The following INPPL1 variants were observed in gnomAD, a reference collection of about 807,000 sequenced individuals.
INPPL1 encodes the protein phosphatidylinositol 3,4,5-trisphosphate 5-phosphatase 2.
INPPL1 carries 91 observed loss-of-function variants against 139.3 expected under a neutral mutation model. That is an observed-to-expected ratio of 0.65 (90% confidence interval 0.55 to 0.78). The LOEUF (loss-of-function observed/expected upper bound fraction) is 0.78. INPPL1 is among the 30% of genes least tolerant of loss of function. The probability of loss-of-function intolerance (pLI) is 0.00; values close to 1 mark genes in which losing one functional copy is unlikely to be tolerated. For synonymous variants in INPPL1, 719 were observed against 686.6 expected (o/e 1.05, Z -0.74); for missense variants, 1,411 against 1,665.6 (o/e 0.85, Z 2.66).
At chr11:72,233,827 T>C in intron 19 of INPPL1, 83 bp downstream of exon 19, 2 of 1,086,182 alleles carry the variant, frequency 1.8e-6, no homozygotes, top group Non-Finnish European at 1.4e-6. Context: ...TAGGTTTGAC[T>C]ATGTAAGTGT....
rs1419039524 is a variant in INPPL1, at chr11:72,229,252, A to G, written c.659+22A>G. ...ACAGGTATCTGGGACATCCAGCCCC[A>G]TGTATTACACCCTTACCTCTGACCT... On this transcript the variant is annotated intron_variant, in intron 5 of 27. Transcript: ENST00000298229. 4 of 1,592,204 alleles carry G rather than the reference A, an allele frequency of 2.5e-6. No homozygotes were observed. The African/African-American group carries it at 5.4e-5, about 21-fold the overall frequency.
At chr11:72,226,292 T>C (rs1591268216) in intron 1 of INPPL1, among the ~76,000 whole-genome samples, 1 of 151,908 alleles carries the variant, frequency 6.6e-6, no homozygotes, top group East Asian at 1.9e-4. Flanking sequence ...GTGATTCTTC[T>C]GCCTCTGCCT....
In INPPL1 at chr11:72,238,713, T is replaced by G; in HGVS notation, c.*360T>G. On this transcript the variant is annotated 3_prime_UTR_variant, in exon 28 of 28. Transcript: ENST00000298229. ...CCCACTTTCACCAGTTTCTGCGGCC[T>G]TCCACCGGGCCTGAACCACAGCGGA... 1 of 168,094 alleles carries G rather than the reference T, an allele frequency of 5.9e-6. No individual in the cohort carries two copies. Among genetic ancestry groups the G allele is most frequent in the Admixed American group, 6.4e-5 (1 of 15,692 alleles). 10.4% of individuals were successfully genotyped at this position (168,094 alleles called of 1,614,324 possible). A position where few individuals can be genotyped will look rare whatever the true frequency, so the allele number is the denominator to read the frequency against.
At position 72,234,614 on chromosome 11, in the gene INPPL1, C is replaced by T. The variant is rs148568665; in HGVS notation, c.2414C>T (p.Thr805Met). The T allele has an allele frequency of 1.8e-4, 286 of 1,611,218 alleles. 1 individual carries two copies. Among genetic ancestry groups the T allele is most frequent in the Non-Finnish European group, 2.2e-4 (263 of 1,177,710 alleles). The change falls in exon 21 of 28, where the codon ACG becomes ATG. Residue 805 changes from threonine to methionine, a missense_variant and splice_region_variant. By Grantham distance (81) the Thr-to-Met change is moderately conservative. Transcript: ENST00000298229. This position sits in a 1 kb window ranked among gnomAD's most constrained non-coding sequence, Gnocchi z 4.2. Reference sequence around the variant, plus strand: ...CAGTGGTCTTCACGCCAGCTGCCCACGGTGAGGCTGTGGGCAGGGCCCCTG... The same window carrying T: ...CAGTGGTCTTCACGCCAGCTGCCCATGGTGAGGCTGTGGGCAGGGCCCCTG... ...KVQWSSRQLP[T>M]LKPILADIEY...
Position 72,238,991 on chromosome 11 carries a change from T to C in INPPL1, c.*638T>C, listed in dbSNP as rs1590725200. 1 of 152,098 alleles carries C rather than the reference T, an allele frequency of 6.6e-6. No individual in the cohort carries two copies. The highest frequency in any genetic ancestry group is 2.4e-5 in the African/African-American group (1 of 41,228). The allele number at this position is 152,098 out of a possible 1,614,324, so 9.4% of individuals were successfully genotyped here. On this transcript the variant is annotated 3_prime_UTR_variant, in exon 28 of 28. Coordinates refer to ENST00000298229, the MANE Select transcript of INPPL1 (RefSeq NM_001567.4). ...GCTCTGGGGATGCACGGCGGCAGGG[T>C]GGGGGAGGGAGGTTCCTCGCAGGTC...
rs1948944307 is a variant in INPPL1 at position 72,235,015 on chromosome 11, G to T, written c.2416-101G>T. 5.5e-6 allele frequency: 5 copies of T among 914,408 alleles called. No individual in the cohort carries two copies. The Admixed American group carries it at 6.3e-5, about 12-fold the overall frequency. 56.6% of individuals were successfully genotyped at this position (914,408 alleles called of 1,614,324 possible). On this transcript the variant is annotated intron_variant, in intron 21 of 27. Coordinates refer to ENST00000298229, the MANE Select transcript of INPPL1 (RefSeq NM_001567.4). The surrounding 1 kb of genome is among the most constrained non-coding windows in gnomAD (Gnocchi z 4.9). ...GAGTTGAGTGTGAGTGAGCACAGATGACCTGAGGGTGGGGATTGAGTGGTG... is the reference window on the plus strand; with the variant it reads ...GAGTTGAGTGTGAGTGAGCACAGATTACCTGAGGGTGGGGATTGAGTGGTG...
Position 72,237,589 on chromosome 11 carries a change from T to C in INPPL1, c.3345T>C (p.Ser1115=). The part of the protein sequence containing the change: ...PASTFLGEVA[S]GDDRSCSVLQ... ...GCACTTTCCTGGGGGAAGTGGCCAG[T>C]GGGGATGACCGGTCCTGCTCGGTGC... Residue 1115 remains serine (S), a synonymous_variant, in exon 26 of 28, where the codon AGT becomes AGC. Coordinates refer to ENST00000298229, the MANE Select transcript of INPPL1 (RefSeq NM_001567.4). The C allele has an allele frequency of 6.3e-7, 1 of 1,599,214 alleles. No individual in the cohort carries two copies. The highest frequency in any genetic ancestry group is 2.2e-5 in the East Asian group (1 of 44,500).
chr11:72,233,379 G>A, intron 17 of INPPL1, 62 bp from the exon 18 acceptor site: 1 of 1,416,258 alleles, frequency 7.1e-7, no homozygotes. Flanking sequence ...CTCTGGAGTG[G>A]GGTCCATGCC....
rs1198198435 is a variant in INPPL1, at chr11:72,234,825, G to A, written c.2415+210G>A. Among the ~76,000 whole-genome samples the A allele has an allele frequency of 6.6e-6, 1 of 151,938 alleles. No homozygotes were observed. Among genetic ancestry groups the A allele is most frequent in the East Asian group, 1.9e-4 (1 of 5,182 alleles). ...CTTTATTTTGGGAGTGTGGAACCTT[G>A]TTGCAGTTTGTTCATTCATTCAGGA... On this transcript the variant is annotated intron_variant, in intron 21 of 27. Coordinates refer to ENST00000298229, the MANE Select transcript of INPPL1 (RefSeq NM_001567.4). This position sits in a 1 kb window ranked among gnomAD's most constrained non-coding sequence, Gnocchi z 4.2.
In INPPL1 at chr11:72,237,631, G is replaced by A. The variant is rs745541575; in HGVS notation, c.3387G>A (p.Thr1129=). The A allele has an allele frequency of 1.1e-5, 17 of 1,607,874 alleles. No homozygotes were observed. In the African/African-American group the frequency reaches 1.5e-4, roughly 14 times the overall value. Residue 1129 remains threonine, a synonymous_variant, in exon 26 of 28, where the codon ACG becomes ACA. Coordinates refer to ENST00000298229, the MANE Select transcript of INPPL1 (RefSeq NM_001567.4). The part of the protein sequence containing the change: ...RSCSVLQMAK[T]LSEVDYAPAG... Reference sequence around the variant, plus strand: ...GCTCGGTGCTGCAGATGGCCAAGACGCTGAGCGAGGTGGACTATGCCCCTG... The same window carrying A: ...GCTCGGTGCTGCAGATGGCCAAGACACTGAGCGAGGTGGACTATGCCCCTG...
At chr11:72,224,443 G>A (rs1948607270), upstream of INPPL1, among the ~76,000 whole-genome samples, 1 of 151,642 alleles carries the variant, frequency 6.6e-6, no homozygotes, top group South Asian at 2.1e-4. Flanking sequence ...CCTTTATGGG[G>A]CTTAGGGGTC....
chr11:72,230,769 G>A (rs760601678), intron 10 of INPPL1, 27 bp from the exon 11 acceptor site: 91 of 1,603,956 alleles, frequency 5.7e-5, no homozygotes, highest in Non-Finnish European at 7.0e-5. Context: ...ATGCCTACCC[G>A]CCCCTGAGTG....
chr11:72,225,168 T>C lies in INPPL1; in HGVS notation c.182+2T>C. 8.1e-7 allele frequency: 1 copy of C among 1,228,598 alleles called. No homozygotes were observed. The highest frequency in any genetic ancestry group is 1.0e-6 in the Non-Finnish European group (1 of 985,764). 76.1% of individuals were successfully genotyped at this position (1,228,598 alleles called of 1,614,324 possible). ...GGGGGCCTTCGCGCTCTGCGTCCTGTGAGTGGGGCGGGGGCTCCTTGCGGG... is the reference window on the plus strand; with the variant it reads ...GGGGGCCTTCGCGCTCTGCGTCCTGCGAGTGGGGCGGGGGCTCCTTGCGGG... On this transcript the variant is annotated splice_donor_variant, in intron 1 of 27. Coordinates refer to ENST00000298229, the MANE Select transcript of INPPL1 (RefSeq NM_001567.4). LOFTEE classifies it high-confidence loss of function.
upstream of INPPL1, among the ~76,000 whole-genome samples, chr11:72,224,405 A>G (rs1440901855): frequency 1.3e-5 from 2 of 151,674 alleles, no homozygotes; most frequent in South Asian, 2.1e-4. Context: ...AAGGGGGACG[A>G]GAGGAAGAGC....
Position 72,232,249 on chromosome 11 carries a change from G to C in INPPL1, c.1625G>C (p.Gly542Ala). ...TGIANTLGNK[G>A]AVGVSFMFNG... The stretch of plus-strand genomic sequence containing the variant: ...TTGCTTGCCTTAACAGGGAACAAGG[G>C]GGCTGTGGGCGTCTCCTTCATGTTT... The change falls in exon 14 of 28, where the codon GGG becomes GCG. Residue 542 changes from glycine to alanine, a missense_variant. Gly to Ala is a moderately conservative substitution (Grantham distance 60, BLOSUM62 0). Around this residue, in one of 5 missense-constraint regions of INPPL1, gnomAD observed 363 missense variants for 446.2 expected, o/e 0.81. Transcript: ENST00000298229. 6.4e-7 allele frequency: 1 copy of C among 1,555,232 alleles called. No homozygotes were observed.
Position 72,237,150 on chromosome 11 carries a change from C to G in INPPL1, c.2906C>G (p.Pro969Arg), listed in dbSNP as rs1259540033. 6.3e-7 allele frequency: 1 copy of G among 1,598,068 alleles called. No homozygotes were observed. Among genetic ancestry groups the G allele is most frequent in the Non-Finnish European group, 8.6e-7 (1 of 1,168,888 alleles). The change falls in exon 26 of 28, where the codon CCA becomes CGA. Residue 969 changes from proline (P) to arginine (R), a missense_variant. Transcript: ENST00000298229. ...PRLKPEGAPE[P>R]EGVAAPPPKN... is the part of the protein sequence containing the mutation. ...TTGAAGCCAGAGGGAGCTCCTGAAC[C>G]AGAAGGGGTGGCGGCCCCCCCACCC... is the stretch of plus-strand genomic sequence containing the variant.
At position 72,234,661 on chromosome 11, in the gene INPPL1, A is replaced by AG; in HGVS notation, c.2415+50dup. ...CCTGCTTATGGGTGAGGGCACAGAG[A>AG]GGGGTACATAAGAGTTTATTGGAGA... is the stretch of plus-strand genomic sequence containing the variant. On this transcript the variant is annotated intron_variant, in intron 21 of 27. Coordinates refer to ENST00000298229, the MANE Select transcript of INPPL1 (RefSeq NM_001567.4). The surrounding 1 kb of genome is among the most constrained non-coding windows in gnomAD (Gnocchi z 4.2). The AG allele has an allele frequency of 7.1e-7, 1 of 1,401,176 alleles. No individual in the cohort carries two copies. The highest frequency in any genetic ancestry group is 1.4e-5 in the African/African-American group (1 of 70,546). The allele number at this position is 1,401,176 out of a possible 1,614,324, so 86.8% of individuals were successfully genotyped here.
Position 72,238,057 on chromosome 11 carries a change from G to GGCGGGCGGGCCAGCGGGCA in INPPL1, c.3586_3587insAGCGGGCGGGCCAGCGGGC (p.Leu1196GlnfsTer25). 6.4e-7 allele frequency: 1 copy of GGCGGGCGGGCCAGCGGGCA among 1,560,426 alleles called. No homozygotes were observed. Among genetic ancestry groups the GGCGGGCGGGCCAGCGGGCA allele is most frequent in the Non-Finnish European group, 8.7e-7 (1 of 1,154,124 alleles). Reference sequence around the variant, plus strand: ...GTTTCCTTAGGCTCCGTGCCTGCAGGGCGGGCGGGCCAGCGGGCTGGGCGA... The same window carrying GGCGGGCGGGCCAGCGGGCA: ...GTTTCCTTAGGCTCCGTGCCTGCAGGGCGGGCGGGCCAGCGGGCAGCGGGCGGGCCAGCGGGCTGGGCGA... On this transcript the variant is annotated frameshift_variant, in exon 27 of 28. Transcript: ENST00000298229. LOFTEE classifies it high-confidence loss of function.
In INPPL1 at chr11:72,228,743, GC is replaced by G; in HGVS notation, c.419del (p.Pro140ArgfsTer39). ...RDASDGEDEKPPLPPRSGSTS... is the reference protein window; with the variant it reads ...RDASDGEDEKXPLPPRSGSTS... ...TGCCCACAGATGGGGAGGATGAGAA[GC>G]CCCCGCTGCCCCCGCGCTCTGGCTC... On this transcript the variant is annotated frameshift_variant, in exon 4 of 28. Coordinates refer to ENST00000298229, the MANE Select transcript of INPPL1 (RefSeq NM_001567.4). LOFTEE classifies it high-confidence loss of function. The surrounding 1 kb of genome is among the most constrained non-coding windows in gnomAD (Gnocchi z 5.0). The G allele has an allele frequency of 1.2e-6, 2 of 1,605,890 alleles. No homozygotes were observed. The highest frequency in any genetic ancestry group is 1.7e-6 in the Non-Finnish European group (2 of 1,175,674).
Sources: allele counts gnomAD v4.1 joint callset (sites outside exome capture counted in the v4.1 genomes callset), GRCh38; gene constraint gnomAD v4.1.1; regional missense constraint gnomAD v4.1.1; non-coding constraint Gnocchi (gnomAD v3.1); transcripts MANE v1.5; gene names NCBI Gene and HGNC (gene_info 2026-07-23, HGNC 2026-07-21).